The following GPC5 variants were observed in gnomAD, a reference collection of about 807,000 sequenced individuals.
GPC5 encodes glypican-5.
In GPC5, 47 loss-of-function variants were observed where a neutral mutation model predicts 53.9. That is an observed-to-expected ratio of 0.87 (90% confidence interval 0.69 to 1.11). GPC5 has a LOEUF of 1.11. Ranked by LOEUF, GPC5 falls within the 50% of genes most tolerant of loss-of-function variation. The pLI is 0.00. For synonymous variants in GPC5, 286 were observed against 263.3 expected (o/e 1.09, Z -0.84); for missense variants, 748 against 713.1 (o/e 1.05, Z -0.56).
intron 2 of GPC5, among the ~76,000 whole-genome samples, chr13:91,627,403 G>A (rs1594351084): frequency 6.6e-6 from 1 of 151,884 alleles, no homozygotes; most frequent in Non-Finnish European, 1.5e-5. Flanking sequence ...TACACTGTTG[G>A]TGGGACTGTA....
chr13:92,181,926 T>A (rs891014896), intron 7 of GPC5, among the ~76,000 whole-genome samples: 4 of 152,176 alleles, frequency 2.6e-5, no homozygotes, highest in Non-Finnish European at 5.9e-5. Flanking sequence ...ATAAGGAGGC[T>A]CAATGTTGAG....
chr13:92,050,862 A>G (rs546982584), intron 6 of GPC5, among the ~76,000 whole-genome samples: 12 of 152,334 alleles, frequency 7.9e-5, no homozygotes, highest in Admixed American at 2.6e-4. Flanking sequence ...TTGAAGAAAT[A>G]TTGCACATGC....
chr13:92,685,337 C>G (rs1428119358), intron 7 of GPC5, among the ~76,000 whole-genome samples: 1 of 151,904 alleles, frequency 6.6e-6, no homozygotes, highest in Non-Finnish European at 1.5e-5. Flanking sequence ...TTGGGTGATC[C>G]ACCCTCCTCA....
intron 1 of GPC5, among the ~76,000 whole-genome samples, chr13:91,440,707 G>T (rs1448812847): frequency 6.6e-6 from 1 of 152,112 alleles, no homozygotes; most frequent in Non-Finnish European, 1.5e-5. Flanking sequence ...GGATTCTATT[G>T]TATTCCTTTT....
At chr13:91,861,745 TCTG>T (rs2039031310) in intron 5 of GPC5, among the ~76,000 whole-genome samples, 2 of 86,160 alleles carry the variant, frequency 2.3e-5, no homozygotes, top group Admixed American at 1.2e-4. Context: ...AACTGTACAA[TCTG>T]TTTCTTGTTT....
chr13:92,071,874 A>C (rs2041214414), intron 6 of GPC5, among the ~76,000 whole-genome samples: 4 of 147,018 alleles, frequency 2.7e-5, no homozygotes, highest in Admixed American at 6.8e-5. Context: ...ATATATAAAT[A>C]TTATATATGT....
At chr13:92,386,702 A>G (rs1874743154) in intron 7 of GPC5, among the ~76,000 whole-genome samples, 1 of 152,084 alleles carries the variant, frequency 6.6e-6, no homozygotes, top group African/African-American at 2.4e-5. Flanking sequence ...CCAAAAATGA[A>G]CATGACCCTA....
At chr13:92,268,128 C>T (rs1305981256) in intron 7 of GPC5, among the ~76,000 whole-genome samples, 12 of 151,568 alleles carry the variant, frequency 7.9e-5, no homozygotes, top group African/African-American at 2.9e-4. Flanking sequence ...AAAAAAAAAT[C>T]GCAAATGATT....
At chr13:92,621,511 G>A (rs1884867325) in intron 7 of GPC5, among the ~76,000 whole-genome samples, 1 of 152,114 alleles carries the variant, frequency 6.6e-6, no homozygotes. Context: ...AGATACTGAA[G>A]CATTTCACTC....
rs1011333241 is a variant in GPC5 at position 92,289,095 on chromosome 13, A to T, written c.1561+144106A>T. Among the ~76,000 whole-genome samples, 7 of 152,110 alleles carry T rather than the reference A, an allele frequency of 4.6e-5. 1 individual carries two copies. Among genetic ancestry groups the T allele is most frequent in the African/African-American group, 1.7e-4 (7 of 41,430 alleles). ...AGGAGAATAATAAATTACCAAAAAA[A>T]AAAAAGCCCTAATAAGAGTAGGAGT... On this transcript the variant is annotated intron_variant, in intron 7 of 7. Transcript: ENST00000377067.
chr13:92,384,804 T>A (rs953794500), intron 7 of GPC5, among the ~76,000 whole-genome samples: 4 of 152,290 alleles, frequency 2.6e-5, no homozygotes, highest in African/African-American at 7.2e-5. Flanking sequence ...GCCATTGTCA[T>A]CTAGATGGAA....
At chr13:91,558,637 A>G (rs958979524) in intron 2 of GPC5, among the ~76,000 whole-genome samples, 5 of 152,140 alleles carry the variant, frequency 3.3e-5, no homozygotes, top group African/African-American at 1.2e-4. Flanking sequence ...TTGAGTGGCA[A>G]TACCATTGCA....
intron 7 of GPC5, among the ~76,000 whole-genome samples, chr13:92,625,825 G>C (rs1294246280): frequency 6.6e-6 from 1 of 152,164 alleles, no homozygotes; most frequent in Non-Finnish European, 1.5e-5. Context: ...TGGTCCAAGG[G>C]ACAGAGGCAT....
At chr13:92,493,152 A>T (rs1350094165) in intron 7 of GPC5, among the ~76,000 whole-genome samples, 1 of 152,236 alleles carries the variant, frequency 6.6e-6, no homozygotes, top group Non-Finnish European at 1.5e-5. Flanking sequence ...TATGTTTTAA[A>T]AATTCTCATC....
intron 7 of GPC5, among the ~76,000 whole-genome samples, chr13:92,822,440 G>A (rs1877706623): frequency 1.3e-5 from 2 of 152,044 alleles, no homozygotes; most frequent in South Asian, 4.1e-4. Context: ...CAGTACCTAA[G>A]TTGTTAAAAT....
rs574766991 is a variant in GPC5, at chr13:92,230,682, C to T, written c.1561+85693C>T. ...TCGAGATATAGCTTGATAATTAGTA[C>T]AAATAATCAGAAATAGATTTAAAAA... On this transcript the variant is annotated intron_variant, in intron 7 of 7. Transcript: ENST00000377067. 2.0e-5 allele frequency among the ~76,000 whole-genome samples: 3 copies of T among 151,970 alleles called. No individual in the cohort carries two copies. The East Asian group carries it at 5.8e-4, about 29-fold the overall frequency.
chr13:91,554,502 G>T (rs772648062), intron 2 of GPC5, among the ~76,000 whole-genome samples: 3 of 152,066 alleles, frequency 2.0e-5, no homozygotes, highest in Admixed American at 2.0e-4. Context: ...AAAGCAGTTT[G>T]TGATGGATCT....
chr13:91,909,018 A>G (rs2039583215), intron 6 of GPC5, among the ~76,000 whole-genome samples: 1 of 152,166 alleles, frequency 6.6e-6, no homozygotes, highest in African/African-American at 2.4e-5. Flanking sequence ...CATTTTCACA[A>G]GAGTCCCTAT....
chr13:92,549,165 G>A (rs1882225720), intron 7 of GPC5, among the ~76,000 whole-genome samples: 1 of 151,996 alleles, frequency 6.6e-6, no homozygotes, highest in Non-Finnish European at 1.5e-5. Flanking sequence ...GAGCTTTACT[G>A]AATAAGGTCC....
Sources: gnomAD v4.1 joint callset for allele counts (sites outside exome capture counted in the v4.1 genomes callset) on GRCh38, gnomAD v4.1.1 for gene constraint, MANE v1.5 for transcripts, NCBI Gene and HGNC (gene_info 2026-07-23, HGNC 2026-07-21) for gene names.